MAML3: variants seen among roughly 807,000 people sequenced by gnomAD.
MAML3 encodes mastermind-like protein 3.
In MAML3, 27 loss-of-function variants were observed where a neutral mutation model predicts 101.9. The observed-to-expected ratio is 0.27, with a 90% CI of 0.20 to 0.37. The LOEUF (loss-of-function observed/expected upper bound fraction) is 0.37. Among genes scored for constraint, MAML3 ranks in the 10% least tolerant of loss-of-function variants. The pLI, the probability that MAML3 is intolerant of heterozygous loss-of-function variation, is 1.00. For missense variants in MAML3, 1,316 were observed against 1,444.9 expected (o/e 0.91, Z 1.45); for synonymous variants, 501 against 555.9 (o/e 0.90, Z 1.39).
chr4:139,896,631 T>TGTGTGG (rs752046450), intron 1 of MAML3, among the ~76,000 whole-genome samples: 1 of 121,358 alleles, frequency 8.2e-6, no homozygotes, highest in Non-Finnish European at 1.9e-5. Flanking sequence ...TGTGTGTGTG[T>TGTGTGG]GGTATGTGGT....
chr4:139,741,957 G>A (rs1673640905), intron 2 of MAML3, among the ~76,000 whole-genome samples: 1 of 152,166 alleles, frequency 6.6e-6, no homozygotes. Flanking sequence ...AATGGCTCAG[G>A]TATTTTCTTA....
intron 2 of MAML3, among the ~76,000 whole-genome samples, chr4:139,830,704 G>A (rs1463806300): frequency 6.6e-6 from 1 of 152,136 alleles, no homozygotes; most frequent in Middle Eastern, 3.4e-3. Context: ...GTGAGCCACT[G>A]CGCCTGGCCT....
In MAML3 at chr4:140,145,738, G is replaced by T. The variant is rs183439983; in HGVS notation, c.468+7122C>A. On this transcript the variant is annotated intron_variant, in intron 1 of 4. Transcript: ENST00000509479. ...GCGCCACCACGCCCGGCTAATTTTT[G>T]TATTTTTCGTAGAGATGGGGTTTCA... Among the ~76,000 whole-genome samples the T allele has an allele frequency of 4.6e-3, 706 of 152,004 alleles. 7 individuals carry two copies. Among genetic ancestry groups the T allele is most frequent in the African/African-American group, 0.015 (625 of 41,442 alleles).
At chr4:139,845,773 A>G (rs934273288) in intron 2 of MAML3, among the ~76,000 whole-genome samples, 2 of 152,206 alleles carry the variant, frequency 1.3e-5, no homozygotes, top group African/African-American at 4.8e-5. Context: ...ATCCCCTTAT[A>G]CCTGATATTA....
intron 2 of MAML3, among the ~76,000 whole-genome samples, chr4:139,867,823 G>T (rs1731928370): frequency 6.6e-6 from 1 of 152,218 alleles, no homozygotes; most frequent in Admixed American, 6.5e-5. Flanking sequence ...CCTGCAGCTG[G>T]TAAGTGAAGG....
chr4:140,133,523 C>T (rs535253115), intron 1 of MAML3, among the ~76,000 whole-genome samples: 10 of 152,118 alleles, frequency 6.6e-5, no homozygotes, highest in Non-Finnish European at 1.5e-4. Context: ...AAACGAAGCA[C>T]CCTAAAATTC....
intron 2 of MAML3, among the ~76,000 whole-genome samples, chr4:139,823,433 G>A (rs1731008748): frequency 6.6e-6 from 1 of 152,112 alleles, no homozygotes; most frequent in South Asian, 2.1e-4. Context: ...GCCAGGGCTG[G>A]AGCAACAAAG....
At chr4:140,111,687 A>ACCCCTACTG (rs577444216) in intron 1 of MAML3, among the ~76,000 whole-genome samples, 307 of 152,244 alleles carry the variant, frequency 2.0e-3, no homozygotes, top group African/African-American at 7.1e-3. Flanking sequence ...CCTGTTACTC[A>ACCCCTACTG]CCCCTACTGT....
chr4:139,922,091 G>T (rs1733140786), intron 1 of MAML3, among the ~76,000 whole-genome samples: 1 of 152,134 alleles, frequency 6.6e-6, no homozygotes, highest in African/African-American at 2.4e-5. Context: ...ATCAATCCAG[G>T]AGCTAGGGAG....
intron 2 of MAML3, among the ~76,000 whole-genome samples, chr4:139,862,871 T>C (rs1383373673): frequency 2.0e-5 from 3 of 152,172 alleles, no homozygotes; most frequent in African/African-American, 7.2e-5. Flanking sequence ...CTCCAGTTAT[T>C]AGCTATGGGA....
At chr4:140,034,180 G>A (rs375769570) in intron 1 of MAML3, among the ~76,000 whole-genome samples, 1 of 152,176 alleles carries the variant, frequency 6.6e-6, no homozygotes, top group Non-Finnish European at 1.5e-5. Flanking sequence ...GGGTTTCTGC[G>A]TTCTTGTCTA....
intron 1 of MAML3, among the ~76,000 whole-genome samples, chr4:139,902,209 CTT>C (rs1732735476): frequency 1.3e-5 from 2 of 152,036 alleles, no homozygotes; most frequent in African/African-American, 4.8e-5. Flanking sequence ...TCATTCTCTC[CTT>C]CTCTCCTTCC....
chr4:139,818,589 A>G (rs1427926601), intron 2 of MAML3, among the ~76,000 whole-genome samples: 1 of 152,232 alleles, frequency 6.6e-6, no homozygotes, highest in African/African-American at 2.4e-5. Context: ...CAGGAATAGG[A>G]AAATCATCAA....
chr4:139,723,788 A>G (rs1485734404), intron 4 of MAML3, among the ~76,000 whole-genome samples: 2 of 152,194 alleles, frequency 1.3e-5, no homozygotes, highest in Non-Finnish European at 2.9e-5. Flanking sequence ...TATGTTTTTA[A>G]TTAGTTCATA....
chr4:139,975,369 C>G (rs920134974), intron 1 of MAML3, among the ~76,000 whole-genome samples: 2 of 152,106 alleles, frequency 1.3e-5, no homozygotes, highest in East Asian at 1.9e-4. Context: ...TTCAGTGAAG[C>G]CTTCCCTATC....
At chr4:140,028,693 A>G (rs2110887942) in intron 1 of MAML3, among the ~76,000 whole-genome samples, 1 of 152,282 alleles carries the variant, frequency 6.6e-6, no homozygotes, top group South Asian at 2.1e-4. Context: ...TTTGCCATCA[A>G]TAGCTCAGAC....
At chr4:139,814,294 A>G (rs540593541) in intron 2 of MAML3, among the ~76,000 whole-genome samples, 1 of 152,360 alleles carries the variant, frequency 6.6e-6, no homozygotes, top group Admixed American at 6.5e-5. Context: ...TGGAGAGCAG[A>G]AATCAGGATG....
rs533938594 is a variant in MAML3 at position 139,934,121 on chromosome 4, A to G, written c.469-43154T>C. 2.0e-5 allele frequency among the ~76,000 whole-genome samples: 3 copies of G among 152,068 alleles called. No homozygotes were observed. In the East Asian group the frequency reaches 5.8e-4, roughly 29 times the overall value. On this transcript the variant is annotated intron_variant, in intron 1 of 4. Transcript: ENST00000509479. The stretch of plus-strand genomic sequence containing the variant: ...TGAGTGTGTGTCTATGTGTGTGAAT[A>G]CGTGTATGTGTGAATGTCATGTGTG...
intron 1 of MAML3, among the ~76,000 whole-genome samples, chr4:140,146,197 T>C (rs72714248): frequency 0.12 from 17,754 of 152,098 alleles, 1,314 homozygotes; most frequent in East Asian, 0.17. Flanking sequence ...TTTAATTAAA[T>C]TTCTCCAAGA....
Sources: gnomAD v4.1 joint callset for allele counts (sites outside exome capture counted in the v4.1 genomes callset) on GRCh38, gnomAD v4.1.1 for gene constraint, MANE v1.5 for transcripts, NCBI Gene and HGNC (gene_info 2026-07-23, HGNC 2026-07-21) for gene names.